SNAP25: variants seen among roughly 807,000 people sequenced by gnomAD.
SNAP25 encodes synaptosome associated protein 25.
Under a neutral mutation model 28.7 loss-of-function variants are expected in SNAP25, and 3 were observed. The ratio of observed to expected loss-of-function variants is 0.10; its 90% CI spans 0.05 to 0.27. The LOEUF (loss-of-function observed/expected upper bound fraction) is 0.27. Ranked by LOEUF, SNAP25 falls within the 10% of genes least tolerant of loss-of-function variation. The pLI, the probability that SNAP25 is intolerant of heterozygous loss-of-function variation, is 1.00. For missense variants in SNAP25, 117 were observed against 278.7 expected (o/e 0.42, Z 4.13); for synonymous variants, 61 against 88.1 (o/e 0.69, Z 1.72).
At chr20:10,246,927 T>A (rs1031017375) in intron 1 of SNAP25, among the ~76,000 whole-genome samples, 1 of 152,194 alleles carries the variant, frequency 6.6e-6, no homozygotes, top group Admixed American at 6.5e-5. Flanking sequence ...GAAAGTTATT[T>A]AACTTTCCTG....
At chr20:10,224,673 C>A (rs1168513794) in intron 1 of SNAP25, among the ~76,000 whole-genome samples, 1 of 151,906 alleles carries the variant, frequency 6.6e-6, no homozygotes, top group African/African-American at 2.4e-5. Flanking sequence ...ATTTTTTCCC[C>A]CCTCAGAATT....
chr20:10,286,500 G>T (rs2063882228), intron 4 of SNAP25, among the ~76,000 whole-genome samples: 1 of 152,094 alleles, frequency 6.6e-6, no homozygotes, highest in African/African-American at 2.4e-5. Context: ...AGCAAAGATT[G>T]CTGATTAGAG....
intron 7 of SNAP25, among the ~76,000 whole-genome samples, chr20:10,301,292 T>C (rs1255675170): frequency 6.6e-6 from 1 of 152,190 alleles, no homozygotes; most frequent in Admixed American, 6.5e-5. Context: ...GCCAGGCAGG[T>C]GGATGGATAA....
At chr20:10,287,323 A>G (rs1286258196) in intron 4 of SNAP25, among the ~76,000 whole-genome samples, 2 of 152,148 alleles carry the variant, frequency 1.3e-5, no homozygotes, top group Non-Finnish European at 2.9e-5. Context: ...AAAAAAACAA[A>G]TAACCCCATC....
At chr20:10,269,954 A>G (rs991993085) in intron 1 of SNAP25, among the ~76,000 whole-genome samples, 8 of 152,166 alleles carry the variant, frequency 5.3e-5, no homozygotes, top group African/African-American at 1.4e-4. Flanking sequence ...TTCCCACTCT[A>G]TATAACTATA....
At chr20:10,252,634 C>T (rs1055306259) in intron 1 of SNAP25, among the ~76,000 whole-genome samples, 35 of 152,070 alleles carry the variant, frequency 2.3e-4, no homozygotes, top group African/African-American at 8.0e-4. Context: ...GTTCTTTATA[C>T]TTCAATAAAG....
At chr20:10,225,470 T>A (rs1224938078) in intron 1 of SNAP25, among the ~76,000 whole-genome samples, 1 of 152,154 alleles carries the variant, frequency 6.6e-6, no homozygotes, top group African/African-American at 2.4e-5. Context: ...TTAACAATGA[T>A]TCCAGAGAAA....
chr20:10,244,625 T>C (rs1371827593), intron 1 of SNAP25, among the ~76,000 whole-genome samples: 1 of 152,138 alleles, frequency 6.6e-6, no homozygotes, highest in Non-Finnish European at 1.5e-5. Context: ...AAACAAGAAG[T>C]ATAAACTGTG....
At chr20:10,227,101 G>A (rs1390911155) in intron 1 of SNAP25, among the ~76,000 whole-genome samples, 1 of 152,074 alleles carries the variant, frequency 6.6e-6, no homozygotes, top group Non-Finnish European at 1.5e-5. Context: ...ATTAAACAAA[G>A]TTCAGTGATT....
chr20:10,242,103 G>T (rs997348383), intron 1 of SNAP25, among the ~76,000 whole-genome samples: 1 of 152,166 alleles, frequency 6.6e-6, no homozygotes, highest in Admixed American at 6.5e-5. Flanking sequence ...CACAGTCTCC[G>T]CCTGGAGCAG....
At chr20:10,251,746 G>GTA (rs1379920621) in intron 1 of SNAP25, among the ~76,000 whole-genome samples, 1 of 152,070 alleles carries the variant, frequency 6.6e-6, no homozygotes, top group African/African-American at 2.4e-5. Context: ...TGTTTTCATC[G>GTA]TATATCCCCT....
At chr20:10,227,006 C>A (rs1050216362) in intron 1 of SNAP25, among the ~76,000 whole-genome samples, 2 of 152,046 alleles carry the variant, frequency 1.3e-5, no homozygotes, top group East Asian at 1.9e-4. Context: ...TGGAGCAATG[C>A]AAGAATAGGT....
intron 1 of SNAP25, among the ~76,000 whole-genome samples, chr20:10,224,291 T>TTTTTTTTTTTTTTTTTC (rs2062694540): frequency 7.2e-6 from 1 of 139,602 alleles, no homozygotes; most frequent in Non-Finnish European, 1.6e-5. Flanking sequence ...TTTTTTTTTT[T>TTTTTTTTTTTTTTTTTC]TGCAGTCTTT....
intron 5 of SNAP25, among the ~76,000 whole-genome samples, chr20:10,295,806 C>T (rs1285441821): frequency 6.6e-6 from 1 of 152,180 alleles, no homozygotes; most frequent in Non-Finnish European, 1.5e-5. Flanking sequence ...TTACAACACT[C>T]ACCAAAATAT....
At chr20:10,219,030 C>T (rs930042538) in intron 1 of SNAP25, 53 bp downstream of exon 1, 1 of 152,174 alleles carries the variant, frequency 6.6e-6, no homozygotes, top group African/African-American at 2.4e-5. Flanking sequence ...GCTGCATACC[C>T]AGAAGGGACA....
intron 5 of SNAP25, among the ~76,000 whole-genome samples, chr20:10,295,795 A>G (rs2064096707): frequency 6.6e-6 from 1 of 152,246 alleles, no homozygotes; most frequent in Non-Finnish European, 1.5e-5. Context: ...ATTGCCTTTA[A>G]TTACAACACT....
At chr20:10,234,787 C>T (rs1187255590) in intron 1 of SNAP25, among the ~76,000 whole-genome samples, 1 of 152,154 alleles carries the variant, frequency 6.6e-6, no homozygotes, top group African/African-American at 2.4e-5. Context: ...TTCAAGCAGT[C>T]TCAGATTTTT....
intron 1 of SNAP25, among the ~76,000 whole-genome samples, chr20:10,251,678 C>T (rs1289657455): frequency 1.3e-5 from 2 of 152,202 alleles, no homozygotes; most frequent in Non-Finnish European, 2.9e-5. Flanking sequence ...GTGATTAAAG[C>T]AGGCTAACCT....
intron 1 of SNAP25, among the ~76,000 whole-genome samples, chr20:10,239,059 C>G (rs2062975661): frequency 6.6e-6 from 1 of 152,142 alleles, no homozygotes; most frequent in Non-Finnish European, 1.5e-5. Context: ...CATAATGTGA[C>G]AGAGGTTGTT....
Sources: allele counts gnomAD v4.1 joint callset (sites outside exome capture counted in the v4.1 genomes callset), GRCh38; gene constraint gnomAD v4.1.1; transcripts MANE v1.5; gene names NCBI Gene and HGNC (gene_info 2026-07-23, HGNC 2026-07-21).